GRAMD1B: variants seen among roughly 807,000 people sequenced by gnomAD.
GRAMD1B encodes the protein protein Aster-B.
GRAMD1B carries 37 observed loss-of-function variants against 99.7 expected under a neutral mutation model. The observed-to-expected ratio is 0.37, with a 90% CI of 0.29 to 0.49. The LOEUF (loss-of-function observed/expected upper bound fraction) is 0.49. Ranked by LOEUF, GRAMD1B falls within the 20% of genes least tolerant of loss-of-function variation. GRAMD1B has a pLI of 0.98. For missense variants in GRAMD1B, 888 were observed against 1,009.2 expected (o/e 0.88, Z 1.63); for synonymous variants, 427 against 387.6 (o/e 1.10, Z -1.19).
intron 2 of GRAMD1B, among the ~76,000 whole-genome samples, chr11:123,543,879 C>A (rs1944790844): frequency 6.6e-6 from 1 of 152,212 alleles, no homozygotes; most frequent in South Asian, 2.1e-4. Flanking sequence ...TGCTCTTGCC[C>A]TATCACAACA....
chr11:123,466,290 AAAAG>A (rs1201168282), intron 1 of GRAMD1B, among the ~76,000 whole-genome samples: 2 of 148,384 alleles, frequency 1.3e-5, no homozygotes, highest in African/African-American at 2.5e-5. Flanking sequence ...GGAAGGAAGG[AAAAG>A]AAAGAAAGAG....
chr11:123,601,952 G>A (rs1952037582), intron 8 of GRAMD1B, among the ~76,000 whole-genome samples: 1 of 152,264 alleles, frequency 6.6e-6, no homozygotes, highest in Admixed American at 6.5e-5. Flanking sequence ...GGTCAGAGAA[G>A]TCTGCAGAGA....
chr11:123,489,208 C>A (rs1441663700), intron 2 of GRAMD1B, among the ~76,000 whole-genome samples: 1 of 152,110 alleles, frequency 6.6e-6, no homozygotes, highest in Non-Finnish European at 1.5e-5. Context: ...GTATTATTAT[C>A]ATTAAAACAG....
At position 123,610,127 on chromosome 11, in the gene GRAMD1B, TG is replaced by T; in HGVS notation, c.1777-67del. On this transcript the variant is annotated intron_variant, in intron 13 of 19. Transcript: ENST00000635736. The surrounding 1 kb of genome is among the most constrained non-coding windows in gnomAD (Gnocchi z 4.1). ...TGGGGTGGGGTGGGCTTGGGGAGGC[TG>T]GAGAAGGTGCTTTTCCAAGCTTCTT... 1 of 1,498,892 alleles carries T rather than the reference TG, an allele frequency of 6.7e-7. No homozygotes were observed. 92.8% of individuals were successfully genotyped at this position (1,498,892 alleles called of 1,614,324 possible).
intron 1 of GRAMD1B, among the ~76,000 whole-genome samples, chr11:123,387,171 G>A (rs888096344): frequency 6.6e-6 from 1 of 152,192 alleles, no homozygotes; most frequent in South Asian, 2.1e-4. Flanking sequence ...AGGTCAGGGA[G>A]TGCAAAGCTA....
chr11:123,376,736 G>C (rs1392038411), intron 1 of GRAMD1B, among the ~76,000 whole-genome samples: 1 of 152,092 alleles, frequency 6.6e-6, no homozygotes, highest in Non-Finnish European at 1.5e-5. Context: ...TCCGGCATCT[G>C]GTCAAGGAAC....
At chr11:123,414,036 T>A (rs189927477) in intron 1 of GRAMD1B, among the ~76,000 whole-genome samples, 6 of 148,986 alleles carry the variant, frequency 4.0e-5, no homozygotes, top group Admixed American at 3.3e-4. Context: ...TAGAAATCCA[T>A]CATCATCATC....
At chr11:123,551,549 C>A (rs1190614198) in intron 2 of GRAMD1B, among the ~76,000 whole-genome samples, 1 of 152,158 alleles carries the variant, frequency 6.6e-6, no homozygotes, top group African/African-American at 2.4e-5. Flanking sequence ...TAGGGGCAGA[C>A]CATGTCCAAA....
chr11:123,380,268 T>C (rs1195940852), intron 1 of GRAMD1B, among the ~76,000 whole-genome samples: 3 of 152,232 alleles, frequency 2.0e-5, no homozygotes, highest in African/African-American at 4.8e-5. Flanking sequence ...TACAAAGATT[T>C]ATGCCAATGC....
At chr11:123,370,725 G>A (rs964221941) in intron 1 of GRAMD1B, among the ~76,000 whole-genome samples, 2 of 119,930 alleles carry the variant, frequency 1.7e-5, no homozygotes, top group South Asian at 2.4e-4. Flanking sequence ...GAGTGAGGTG[G>A]GAGTTCAGAA....
At chr11:123,595,224 T>C (rs1049895154) in intron 6 of GRAMD1B, among the ~76,000 whole-genome samples, 3 of 151,984 alleles carry the variant, frequency 2.0e-5, no homozygotes, top group Non-Finnish European at 4.4e-5. Context: ...TTTAGGCTAG[T>C]CCTTTCTTTG....
intron 7 of GRAMD1B, chr11:123,598,890 A>T: frequency 7.6e-7 from 1 of 1,322,696 alleles, no homozygotes; most frequent in Non-Finnish European, 1.1e-6. Context: ...CTCAAGCAGC[A>T]TCTCTAGGTA....
intron 2 of GRAMD1B, among the ~76,000 whole-genome samples, chr11:123,522,785 A>G (rs1001934940): frequency 1.3e-5 from 2 of 152,162 alleles, no homozygotes; most frequent in African/African-American, 4.8e-5. Context: ...CACATCACAC[A>G]CAGACACTCA....
chr11:123,479,089 A>T (rs903207012), intron 1 of GRAMD1B, among the ~76,000 whole-genome samples: 4 of 152,346 alleles, frequency 2.6e-5, no homozygotes, highest in East Asian at 3.9e-4. Context: ...CAGCCACTGC[A>T]TAGTGAACGA....
intron 2 of GRAMD1B, among the ~76,000 whole-genome samples, chr11:123,548,347 C>CATATATATATATATATATAT (rs1565357831): frequency 2.3e-4 from 27 of 115,226 alleles, no homozygotes; most frequent in African/African-American, 8.5e-4. Flanking sequence ...CACACACACA[C>CATATATATATATATATATAT]ACATATATAT....
At chr11:123,485,367 G>A (rs1297220029) in intron 2 of GRAMD1B, among the ~76,000 whole-genome samples, 1 of 152,188 alleles carries the variant, frequency 6.6e-6, no homozygotes, top group Admixed American at 6.5e-5. Context: ...AGTATTCAGA[G>A]ACTACGTAGC....
Position 123,430,461 on chromosome 11 carries a change from A to G in GRAMD1B, c.-332A>G. On this transcript the variant is annotated 5_prime_UTR_variant, in exon 1 of 20. Transcript: ENST00000635736. ...AGGCAAAGACGCCAGCAAGCGAGGA[A>G]GCGCAGCGGAAGAAAAACAAGCGGG... 3.2e-6 allele frequency: 1 copy of G among 312,922 alleles called. No individual in the cohort carries two copies. Among genetic ancestry groups the G allele is most frequent in the South Asian group, 7.1e-5 (1 of 14,094 alleles). 19.4% of individuals were successfully genotyped at this position (312,922 alleles called of 1,614,324 possible). A position where few individuals can be genotyped will look rare whatever the true frequency, so the allele number is the denominator to read the frequency against.
intron 2 of GRAMD1B, among the ~76,000 whole-genome samples, chr11:123,489,997 C>A (rs566052423): frequency 6.6e-6 from 1 of 152,060 alleles, no homozygotes; most frequent in Non-Finnish European, 1.5e-5. Flanking sequence ...GGTAACCTGG[C>A]GAAACCTCGT....
chr11:123,423,333 T>G (rs1399554083), intron 1 of GRAMD1B, among the ~76,000 whole-genome samples: 1 of 150,748 alleles, frequency 6.6e-6, no homozygotes, highest in African/African-American at 2.5e-5. Context: ...TCTTCTCCCC[T>G]CCACTCCCCT....
Sources: allele counts gnomAD v4.1 joint callset (sites outside exome capture counted in the v4.1 genomes callset), GRCh38; gene constraint gnomAD v4.1.1; non-coding constraint Gnocchi (gnomAD v3.1); transcripts MANE v1.5; gene names NCBI Gene and HGNC (gene_info 2026-07-23, HGNC 2026-07-21).